Variants in ACOXL observed in about 807,000 individuals in gnomAD.
ACOXL encodes the protein acyl-coenzyme A oxidase-like protein.
In ACOXL, 70 loss-of-function variants were observed where a neutral mutation model predicts 71.9. The observed-to-expected ratio is 0.97, with a 90% CI of 0.80 to 1.19. The LOEUF (loss-of-function observed/expected upper bound fraction) is 1.19, where lower values mean the gene tolerates loss of function less well. Among genes scored for constraint, ACOXL ranks in the 50% most tolerant of loss-of-function variants. ACOXL has a pLI of 0.00. For missense variants in ACOXL, 703 were observed against 736.3 expected (o/e 0.95, Z 0.52); for synonymous variants, 253 against 281.6 (o/e 0.90, Z 1.02).
At chr2:110,777,767 A>G (rs1304092593) in intron 2 of ACOXL, among the ~76,000 whole-genome samples, 1 of 152,216 alleles carries the variant, frequency 6.6e-6, no homozygotes, top group Non-Finnish European at 1.5e-5. Context: ...GAGGCTGCAC[A>G]GAGCCCAGCA....
At chr2:110,992,636 A>G (rs1206287785) in intron 13 of ACOXL, among the ~76,000 whole-genome samples, 1 of 152,186 alleles carries the variant, frequency 6.6e-6, no homozygotes, top group Non-Finnish European at 1.5e-5. Flanking sequence ...CCATGGGACG[A>G]GGTAAGGCAG....
chr2:110,805,746 C>T (rs565416544), intron 9 of ACOXL, among the ~76,000 whole-genome samples: 5 of 152,328 alleles, frequency 3.3e-5, no homozygotes, highest in Admixed American at 1.3e-4. Flanking sequence ...GGGCAAAGGT[C>T]GGCATGTCTT....
intron 14 of ACOXL, among the ~76,000 whole-genome samples, chr2:111,010,182 A>G (rs2064081339): frequency 6.6e-6 from 1 of 152,214 alleles, no homozygotes; most frequent in African/African-American, 2.4e-5. Flanking sequence ...GGCTTTTAAA[A>G]AATATGAATT....
intron 9 of ACOXL, among the ~76,000 whole-genome samples, chr2:110,809,136 A>G (rs992757874): frequency 1.3e-5 from 2 of 152,212 alleles, no homozygotes; most frequent in Non-Finnish European, 2.9e-5. Flanking sequence ...TGCCTCTTTG[A>G]TCTAACTCCA....
chr2:111,049,427 C>A, intron 16 of ACOXL, 139 bp downstream of exon 16: 1 of 680,986 alleles, frequency 1.5e-6, no homozygotes. Context: ...TTGTCATAGG[C>A]GAATTGGAGG....
intron 15 of ACOXL, among the ~76,000 whole-genome samples, chr2:111,041,757 G>C (rs541706033): frequency 2.5e-4 from 38 of 152,360 alleles, no homozygotes; most frequent in African/African-American, 8.7e-4. Flanking sequence ...GTGGGCTCCA[G>C]AAGGGGTCCA....
chr2:110,734,480 A>T (rs995964871), intron 1 of ACOXL, among the ~76,000 whole-genome samples: 1 of 152,100 alleles, frequency 6.6e-6, no homozygotes, highest in Non-Finnish European at 1.5e-5. Context: ...CGTGTTGGCC[A>T]GGCTGGTCTT....
intron 1 of ACOXL, among the ~76,000 whole-genome samples, chr2:110,765,106 A>T (rs1245630615): frequency 6.6e-6 from 1 of 152,208 alleles, no homozygotes; most frequent in Admixed American, 6.5e-5. Context: ...ATGTTGAGCC[A>T]CTTGTTTCTG....
At chr2:110,967,984 A>G in intron 12 of ACOXL, 4 of 924,664 alleles carry the variant, frequency 4.3e-6, no homozygotes, top group South Asian at 1.3e-5. Flanking sequence ...CAAATATAGG[A>G]TAGTAGTTCA....
chr2:110,873,748 G>A (rs931933053), intron 10 of ACOXL, among the ~76,000 whole-genome samples: 2 of 152,182 alleles, frequency 1.3e-5, no homozygotes, highest in East Asian at 1.9e-4. Flanking sequence ...GGAGGGGCCC[G>A]GGCCTCCCAG....
chr2:111,027,259 G>T (rs553938322), intron 14 of ACOXL, among the ~76,000 whole-genome samples: 2 of 151,652 alleles, frequency 1.3e-5, no homozygotes, highest in African/African-American at 4.8e-5. Flanking sequence ...GCTAAGTTCT[G>T]TCTATGTGTG....
rs181723512 is a variant in ACOXL, at chr2:111,001,811, G to A, written c.1281+5807G>A. 5.3e-5 allele frequency among the ~76,000 whole-genome samples: 8 copies of A among 152,278 alleles called. No individual in the cohort carries two copies. The East Asian group carries it at 1.5e-3, about 29-fold the overall frequency. On this transcript the variant is annotated intron_variant, in intron 14 of 17. Transcript: ENST00000439055. ...ACTGAATTTAGATGAGGGGATTCTG[G>A]ACTGTGAGCTGATACCATAATGAGG...
chr2:110,793,956 T>G (rs1573543027), intron 4 of ACOXL, 120 bp from the exon 5 acceptor site: 4 of 1,019,654 alleles, frequency 3.9e-6, no homozygotes, highest in Middle Eastern at 4.2e-4. Flanking sequence ...GACTGCATTT[T>G]TATAATTTTC....
intron 12 of ACOXL, among the ~76,000 whole-genome samples, chr2:110,971,210 A>C (rs780733704): frequency 6.6e-6 from 1 of 152,248 alleles, no homozygotes; most frequent in East Asian, 1.9e-4. Context: ...AAATAAGCAC[A>C]TGAAAATAGG....
At chr2:111,011,279 A>T (rs2064141033) in intron 14 of ACOXL, among the ~76,000 whole-genome samples, 1 of 152,224 alleles carries the variant, frequency 6.6e-6, no homozygotes, top group Admixed American at 6.5e-5. Flanking sequence ...TATAGGAGGT[A>T]GTAGACTGAG....
chr2:110,795,021 G>C (rs1245695001), intron 5 of ACOXL, among the ~76,000 whole-genome samples: 1 of 151,776 alleles, frequency 6.6e-6, no homozygotes, highest in Non-Finnish European at 1.5e-5. Flanking sequence ...TTGATATTGG[G>C]TGTTCCTAAG....
chr2:110,908,708 G>T (rs1472331364), intron 10 of ACOXL, 81 bp from the exon 11 acceptor site: 1 of 1,112,562 alleles, frequency 9.0e-7, no homozygotes, highest in East Asian at 2.4e-5. Flanking sequence ...CAAATGGCTA[G>T]CCAGCATTTT....
In ACOXL at chr2:111,052,355, G is replaced by A. The variant is rs74808908; in HGVS notation, c.1440+3067G>A. Among the ~76,000 whole-genome samples the A allele has an allele frequency of 1.6e-3, 248 of 152,266 alleles. 1 individual carries two copies. Among genetic ancestry groups the A allele is most frequent in the Non-Finnish European group, 2.8e-3 (189 of 68,028 alleles). On this transcript the variant is annotated intron_variant, in intron 16 of 17. Coordinates refer to ENST00000439055, the MANE Select transcript of ACOXL (RefSeq NM_001142807.4). ...CTGCAGTGGAACCATGAGGGGTACT[G>A]TGGTGGCAGGCTTCTGGAGTCACTC...
intron 10 of ACOXL, among the ~76,000 whole-genome samples, chr2:110,862,284 C>T (rs1444425329): frequency 6.6e-6 from 1 of 152,118 alleles, no homozygotes; most frequent in African/African-American, 2.4e-5. Flanking sequence ...TAGGATTTCA[C>T]CTGATTTCTG....
Sources: gnomAD v4.1 joint callset for allele counts (sites outside exome capture counted in the v4.1 genomes callset) on GRCh38, gnomAD v4.1.1 for gene constraint, MANE v1.5 for transcripts, NCBI Gene and HGNC (gene_info 2026-07-23, HGNC 2026-07-21) for gene names.